Variants in GLRA3 observed in about 807,000 individuals in gnomAD.
The protein encoded by GLRA3 is glycine receptor alpha 3, also known as glycine receptor subunit alpha-3.
GLRA3 carries 44 observed loss-of-function variants against 60.4 expected under a neutral mutation model. That is an observed-to-expected ratio of 0.73 (90% CI 0.57 to 0.94). The LOEUF (loss-of-function observed/expected upper bound fraction) is 0.94. GLRA3 is among the 40% of genes least tolerant of loss of function. The pLI is 0.00. For missense variants in GLRA3, 508 were observed against 564.6 expected, an observed-to-expected ratio of 0.90 and a Z score of 1.02; for synonymous variants, 223 against 192.9, an observed-to-expected ratio of 1.16 and a Z score of -1.29.
At chr4:174,790,375 AT>A (rs1739279172) in intron 1 of GLRA3, among the ~76,000 whole-genome samples, 1 of 149,686 alleles carries the variant, frequency 6.7e-6, no homozygotes, top group Non-Finnish European at 1.5e-5. Context: ...CATTATAATA[AT>A]AAATATATTT....
chr4:174,692,453 C>T (rs1172474336), intron 5 of GLRA3, among the ~76,000 whole-genome samples: 37 of 151,218 alleles, frequency 2.4e-4, no homozygotes, highest in African/African-American at 5.6e-4. Context: ...CAACAGCTCA[C>T]TGAGAACGGG....
At chr4:174,710,178 C>T (rs968712997) in intron 5 of GLRA3, among the ~76,000 whole-genome samples, 5 of 151,890 alleles carry the variant, frequency 3.3e-5, no homozygotes, top group Non-Finnish European at 7.4e-5. Flanking sequence ...ATGCTATCTC[C>T]AGAAATTTCA....
At chr4:174,818,819 T>C (rs1356732601) in intron 1 of GLRA3, among the ~76,000 whole-genome samples, 1 of 152,118 alleles carries the variant, frequency 6.6e-6, no homozygotes, top group Non-Finnish European at 1.5e-5. Context: ...AAAAGAAAAG[T>C]CTCTTGGTAT....
intron 4 of GLRA3, among the ~76,000 whole-genome samples, chr4:174,721,831 ATGTG>A (rs1200420751): frequency 6.6e-6 from 1 of 151,660 alleles, no homozygotes; most frequent in African/African-American, 2.4e-5. Context: ...GTGTATATAT[ATGTG>A]TGTGTATATG....
intron 4 of GLRA3, among the ~76,000 whole-genome samples, chr4:174,716,954 G>A (rs759085511): frequency 6.6e-5 from 10 of 151,802 alleles, no homozygotes; most frequent in East Asian, 3.9e-4. Flanking sequence ...TAATTCCAGC[G>A]CTTTGGGAGG....
chr4:174,799,502 A>G (rs1739722999), intron 1 of GLRA3, among the ~76,000 whole-genome samples: 1 of 152,218 alleles, frequency 6.6e-6, no homozygotes, highest in Non-Finnish European at 1.5e-5. Flanking sequence ...CCTGAACACC[A>G]GTTTTGAAAA....
intron 2 of GLRA3, among the ~76,000 whole-genome samples, chr4:174,777,788 A>G (rs1241397093): frequency 2.0e-5 from 3 of 152,222 alleles, no homozygotes; most frequent in Admixed American, 6.5e-5. Flanking sequence ...ATAACAGGGT[A>G]CACTGTTGGG....
At chr4:174,689,623 C>A (rs1734706096) in intron 5 of GLRA3, among the ~76,000 whole-genome samples, 1 of 151,706 alleles carries the variant, frequency 6.6e-6, no homozygotes, top group Admixed American at 6.6e-5. Flanking sequence ...TACACTCCGT[C>A]CATATGTTCT....
chr4:174,776,638 A>T (rs879785353), intron 2 of GLRA3, among the ~76,000 whole-genome samples: 1 of 151,970 alleles, frequency 6.6e-6, no homozygotes, highest in South Asian at 2.1e-4. Context: ...GAAATAACCA[A>T]TTTTTTTGGA....
intron 3 of GLRA3, among the ~76,000 whole-genome samples, chr4:174,750,143 C>T (rs1737409943): frequency 6.6e-6 from 1 of 152,022 alleles, no homozygotes. Flanking sequence ...TAAGGAAGTG[C>T]TAGATTTTAC....
In GLRA3 at chr4:174,718,959, C is replaced by CTTTTTTTT. The variant is rs10656765; in HGVS notation, c.492-3397_492-3390dup. ...TGGGGTTCTAGTTCTAGATTTCGTG[C>CTTTTTTTT]TTTTTTTTTTTTTTTTTTTTTTTGA... On this transcript the variant is annotated intron_variant, in intron 4 of 9. Coordinates refer to ENST00000274093, the MANE Select transcript of GLRA3 (RefSeq NM_006529.4). 6.9e-4 allele frequency among the ~76,000 whole-genome samples: 56 copies of CTTTTTTTT among 81,076 alleles called. 1 individual carries two copies. Among genetic ancestry groups the CTTTTTTTT allele is most frequent in the Middle Eastern group, 0.017 (1 of 58 alleles). The allele number at this position is 81,076 out of a possible 152,430, so 53.2% of individuals were successfully genotyped here.
At chr4:174,721,814 T>TATATATATATATATATATATATACAC (rs1736141100) in intron 4 of GLRA3, among the ~76,000 whole-genome samples, 1 of 150,094 alleles carries the variant, frequency 6.7e-6, no homozygotes, top group Non-Finnish European at 1.5e-5. Context: ...TATGAAAAAA[T>TATATATATATATATATATATATACAC]ATGTGTGTGT....
rs1334746652 is a variant in GLRA3, at chr4:174,692,242, C to A, written c.575-9303G>T. Among the ~76,000 whole-genome samples, 3 of 150,192 alleles carry A rather than the reference C, an allele frequency of 2.0e-5. No individual in the cohort carries two copies. In the East Asian group the frequency reaches 5.8e-4, roughly 29 times the overall value. ...AGGTGGGGGTCAGCCCCCGCCAGGC[C>A]AGCCGCCCCATCCGCGAGGGAGGTG... On this transcript the variant is annotated intron_variant, in intron 5 of 9. Transcript: ENST00000274093.
intron 3 of GLRA3, among the ~76,000 whole-genome samples, chr4:174,745,280 T>A (rs1279818977): frequency 6.6e-6 from 1 of 152,156 alleles, no homozygotes; most frequent in Non-Finnish European, 1.5e-5. Flanking sequence ...TAGACATCCA[T>A]ATACAGGAGG....
At chr4:174,683,241 A>G (rs1734423879) in intron 5 of GLRA3, among the ~76,000 whole-genome samples, 1 of 152,148 alleles carries the variant, frequency 6.6e-6, no homozygotes, top group African/African-American at 2.4e-5. Flanking sequence ...TAGCTACTAG[A>G]TTAATTTTGT....
chr4:174,678,478 T>A (rs1305809634), intron 6 of GLRA3, among the ~76,000 whole-genome samples: 1 of 152,190 alleles, frequency 6.6e-6, no homozygotes, highest in Non-Finnish European at 1.5e-5. Context: ...AAGAAAGATG[T>A]TAAAGAGCAA....
chr4:174,693,244 C>T (rs2111019755), intron 5 of GLRA3, among the ~76,000 whole-genome samples: 1 of 152,128 alleles, frequency 6.6e-6, no homozygotes, highest in African/African-American at 2.4e-5. Flanking sequence ...TTTTTATGTC[C>T]AGGATTGTAT....
intron 2 of GLRA3, among the ~76,000 whole-genome samples, chr4:174,771,755 G>A (rs1481115602): frequency 6.6e-6 from 1 of 152,084 alleles, no homozygotes; most frequent in Non-Finnish European, 1.5e-5. Context: ...AAGGGAAGGG[G>A]TCTTTATTTC....
intron 4 of GLRA3, among the ~76,000 whole-genome samples, chr4:174,723,667 A>G (rs1217044685): frequency 6.6e-6 from 1 of 152,024 alleles, no homozygotes; most frequent in Non-Finnish European, 1.5e-5. Context: ...ACTTCAAAAT[A>G]TAATTAAAAA....
Sources: allele counts gnomAD v4.1 joint callset (sites outside exome capture counted in the v4.1 genomes callset), GRCh38; gene constraint gnomAD v4.1.1; transcripts MANE v1.5; gene names NCBI Gene and HGNC (gene_info 2026-07-23, HGNC 2026-07-21).